Variants in RNF185 observed in about 807,000 individuals in gnomAD.
RNF185 encodes E3 ubiquitin-protein ligase RNF185.
In RNF185, 13 loss-of-function variants were observed where a neutral mutation model predicts 24.9. The observed-to-expected ratio is 0.52, with a 90% CI of 0.34 to 0.83. The LOEUF is 0.83. Ranked by LOEUF, RNF185 falls within the 40% of genes least tolerant of loss-of-function variation. RNF185 has a pLI of 0.01. For missense variants in RNF185, 184 were observed against 244.7 expected (o/e 0.75, Z 1.65); for synonymous variants, 79 against 90.3 (o/e 0.88, Z 0.71).
intron 1 of RNF185, among the ~76,000 whole-genome samples, chr22:31,171,564 G>A (rs149431990): frequency 6.6e-6 from 1 of 152,226 alleles, no homozygotes; most frequent in East Asian, 1.9e-4. Context: ...CAATGGAGGT[G>A]GCTCAAGGCA....
intron 6 of RNF185, 37 bp from the exon 7 acceptor site, chr22:31,204,452 G>A: frequency 7.2e-7 from 1 of 1,395,442 alleles, no homozygotes; most frequent in Non-Finnish European, 1.0e-6. Flanking sequence ...TAGCTGCAGT[G>A]TTCTAATAGC....
At chr22:31,169,888 A>G (rs1432645138) in intron 1 of RNF185, among the ~76,000 whole-genome samples, 1 of 152,172 alleles carries the variant, frequency 6.6e-6, no homozygotes, top group Non-Finnish European at 1.5e-5. Flanking sequence ...TGTAGATGAC[A>G]GGAGTCCATC....
Position 31,187,285 on chromosome 22 carries a change from T to C in RNF185, c.176+15T>C. ...CACCTCTTCTGGTCAGTACCCCTAC[T>C]TCCACCCCAGAGAGCACATTGCCAA... On this transcript the variant is annotated intron_variant, in intron 2 of 6. Transcript: ENST00000326132. 6.2e-7 allele frequency: 1 copy of C among 1,613,078 alleles called. No homozygotes were observed. The highest frequency in any genetic ancestry group is 8.5e-7 in the Non-Finnish European group (1 of 1,179,502).
intron 1 of RNF185, among the ~76,000 whole-genome samples, chr22:31,167,762 C>T (rs1924021892): frequency 1.3e-5 from 2 of 151,834 alleles, no homozygotes; most frequent in South Asian, 4.2e-4. Context: ...TACAGGCGCT[C>T]ACCACCACAC....
intron 1 of RNF185, among the ~76,000 whole-genome samples, chr22:31,180,390 G>A (rs969438832): frequency 1.3e-5 from 2 of 149,918 alleles, no homozygotes; most frequent in South Asian, 2.1e-4. Flanking sequence ...GCTTGAACCC[G>A]GGAGGTGGAG....
chr22:31,171,735 G>A (rs1424552533), intron 1 of RNF185, among the ~76,000 whole-genome samples: 1 of 152,130 alleles, frequency 6.6e-6, no homozygotes, highest in Non-Finnish European at 1.5e-5. Flanking sequence ...TTGGGAGGCC[G>A]AGGCAAGCGG....
chr22:31,177,951 G>A (rs567527437), intron 1 of RNF185, among the ~76,000 whole-genome samples: 7 of 152,226 alleles, frequency 4.6e-5, no homozygotes, highest in South Asian at 2.1e-4. Flanking sequence ...TTCAACTCTC[G>A]TGTTCTCTTT....
chr22:31,188,623 G>A (rs1471697285), intron 2 of RNF185, among the ~76,000 whole-genome samples: 1 of 151,806 alleles, frequency 6.6e-6, no homozygotes, highest in African/African-American at 2.4e-5. Flanking sequence ...GCCCAGGAGT[G>A]CAAGATGAGT....
intron 2 of RNF185, among the ~76,000 whole-genome samples, chr22:31,191,668 T>TA (rs2048156519): frequency 6.6e-6 from 1 of 151,978 alleles, no homozygotes; most frequent in Admixed American, 6.6e-5. Flanking sequence ...CCGTTTCTGC[T>TA]AAAAATACAA....
rs541013881 is a variant in RNF185, at chr22:31,197,100, A to G, written c.363+110A>G. 739 of 1,470,130 alleles carry G rather than the reference A, an allele frequency of 5.0e-4. 7 individuals are homozygous for G. The South Asian group carries it at 5.5e-3, about 11-fold the overall frequency. 91.1% of individuals were successfully genotyped at this position (1,470,130 alleles called of 1,614,324 possible). A position where few individuals can be genotyped will look rare whatever the true frequency, so the allele number is the denominator to read the frequency against. On this transcript the variant is annotated intron_variant, in intron 5 of 6. Transcript: ENST00000326132. ...ATTATAAAAGTAAAGGAAAACTTGT[A>G]AAATACAGAAAGGAAAAGAGGGGGA...
At chr22:31,169,238 TAA>T (rs899326202) in intron 1 of RNF185, among the ~76,000 whole-genome samples, 2 of 152,206 alleles carry the variant, frequency 1.3e-5, no homozygotes, top group African/African-American at 4.8e-5. Context: ...TGTTTGTTGT[TAA>T]GTTTTAGGAG....
chr22:31,179,090 G>A (rs2048009629), intron 1 of RNF185, among the ~76,000 whole-genome samples: 1 of 152,190 alleles, frequency 6.6e-6, no homozygotes, highest in Admixed American at 6.5e-5. Flanking sequence ...TTCTGGTCAG[G>A]AGAAAAGAAT....
At position 31,200,743 on chromosome 22, in the gene RNF185, C is replaced by G. The variant is rs144151418; in HGVS notation, c.364-755C>G. 9.2e-5 allele frequency among the ~76,000 whole-genome samples: 14 copies of G among 152,304 alleles called. No individual in the cohort carries two copies. In the East Asian group the frequency reaches 1.9e-3, roughly 21 times the overall value. On this transcript the variant is annotated intron_variant, in intron 5 of 6. Coordinates refer to ENST00000326132, the MANE Select transcript of RNF185 (RefSeq NM_152267.4). ...CGAAGTGGGAAGGTGAATAGAAGAT[C>G]TCTGACTCTGTCAATTATTTCTGTA... is the stretch of plus-strand genomic sequence containing the variant.
chr22:31,160,900 A>AG (rs982295514), intron 1 of RNF185, among the ~76,000 whole-genome samples: 1 of 152,146 alleles, frequency 6.6e-6, no homozygotes. Context: ...ACTTATGCGT[A>AG]GGGGGGTCCT....
At chr22:31,164,180 C>T (rs1251513299) in intron 1 of RNF185, among the ~76,000 whole-genome samples, 5 of 151,902 alleles carry the variant, frequency 3.3e-5, no homozygotes, top group Admixed American at 6.6e-5. Flanking sequence ...TGGGTTTCAC[C>T]GTGTTGGCCA....
At chr22:31,167,818 G>T (rs993751073) in intron 1 of RNF185, among the ~76,000 whole-genome samples, 1 of 151,940 alleles carries the variant, frequency 6.6e-6, no homozygotes, top group Non-Finnish European at 1.5e-5. Context: ...TTTGCCATTT[G>T]CCCAGGCTGG....
rs2048178165 is a variant in RNF185, at chr22:31,193,836, C to CA, written c.195+1140dup. 2.7e-5 allele frequency among the ~76,000 whole-genome samples: 4 copies of CA among 150,834 alleles called. No individual in the cohort carries two copies. In the South Asian group the frequency reaches 8.4e-4, roughly 32 times the overall value. On this transcript the variant is annotated intron_variant, in intron 3 of 6. Coordinates refer to ENST00000326132, the MANE Select transcript of RNF185 (RefSeq NM_152267.4). ...AACCGAAAAAAAAATCAAAAACAAG[C>CA]AAAAAACAAACAAAAACAAACCAAA...
intron 1 of RNF185, among the ~76,000 whole-genome samples, chr22:31,182,654 A>G (rs913602836): frequency 6.6e-6 from 1 of 151,872 alleles, no homozygotes; most frequent in Non-Finnish European, 1.5e-5. Flanking sequence ...TTTGTCAATC[A>G]TGTCACAAGT....
At chr22:31,203,644 T>C (rs1434199615) in intron 6 of RNF185, among the ~76,000 whole-genome samples, 2 of 152,274 alleles carry the variant, frequency 1.3e-5, no homozygotes, top group Non-Finnish European at 2.9e-5. Flanking sequence ...TTTATTTGCA[T>C]GTGCAGGCCA....
Sources: gnomAD v4.1 joint callset for allele counts (sites outside exome capture counted in the v4.1 genomes callset) on GRCh38, gnomAD v4.1.1 for gene constraint, MANE v1.5 for transcripts, NCBI Gene and HGNC (gene_info 2026-07-23, HGNC 2026-07-21) for gene names.